Variants in ADAMTSL1 observed in about 807,000 individuals in gnomAD.
ADAMTSL1 encodes ADAMTS like 1, also known as ADAMTS-like protein 1.
Under a neutral mutation model 201.8 loss-of-function variants are expected in ADAMTSL1, and 126 were observed. The ratio of observed to expected loss-of-function variants is 0.62; its 90% CI spans 0.54 to 0.72. ADAMTSL1 has a LOEUF of 0.72. Among genes scored for constraint, ADAMTSL1 ranks in the 30% least tolerant of loss-of-function variants. ADAMTSL1 has a pLI of 0.00. For synonymous variants in ADAMTSL1, 1,121 were observed against 903.4 expected (o/e 1.24, Z -4.32); for missense variants, 2,679 against 2,277.8 (o/e 1.18, Z -3.59).
At chr9:18,560,268 A>G (rs1309352258) in intron 3 of ADAMTSL1, among the ~76,000 whole-genome samples, 3 of 152,156 alleles carry the variant, frequency 2.0e-5, no homozygotes, top group African/African-American at 7.2e-5. Context: ...TGAGACAATA[A>G]TGTGGTTTTG....
chr9:18,360,343 C>G (rs558687724), intron 2 of ADAMTSL1, among the ~76,000 whole-genome samples: 1 of 152,152 alleles, frequency 6.6e-6, no homozygotes, highest in Admixed American at 6.5e-5. Flanking sequence ...GGAGTCCTGT[C>G]ATGGTTTCAG....
chr9:18,726,935 G>C (rs1367473482), intron 15 of ADAMTSL1, among the ~76,000 whole-genome samples: 2 of 152,152 alleles, frequency 1.3e-5, no homozygotes, highest in Non-Finnish European at 2.9e-5. Flanking sequence ...ACCTAGGATG[G>C]TTCTTAGAAC....
At chr9:18,804,319 G>A (rs1472004208) in intron 20 of ADAMTSL1, among the ~76,000 whole-genome samples, 2 of 152,282 alleles carry the variant, frequency 1.3e-5, no homozygotes, top group East Asian at 3.9e-4. Context: ...ATGTCTCAGA[G>A]AACTGGTGAA....
intron 1 of ADAMTSL1, among the ~76,000 whole-genome samples, chr9:17,979,980 G>C (rs1818621988): frequency 6.6e-6 from 1 of 152,090 alleles, no homozygotes; most frequent in Admixed American, 6.6e-5. Context: ...GTGGAAACCA[G>C]CTTGGCATTG....
intron 2 of ADAMTSL1, among the ~76,000 whole-genome samples, chr9:18,235,517 C>T (rs1830812714): frequency 6.6e-6 from 1 of 152,172 alleles, no homozygotes; most frequent in African/African-American, 2.4e-5. Flanking sequence ...CTAGAGCTGC[C>T]CTGCTATACC....
chr9:18,416,041 A>C (rs980763713), intron 2 of ADAMTSL1, among the ~76,000 whole-genome samples: 6 of 152,112 alleles, frequency 3.9e-5, no homozygotes, highest in African/African-American at 1.4e-4. Flanking sequence ...TACTACAAGA[A>C]ATCTTCAAGG....
intron 2 of ADAMTSL1, among the ~76,000 whole-genome samples, chr9:18,180,890 A>G (rs1051070648): frequency 2.0e-5 from 3 of 152,204 alleles, no homozygotes; most frequent in African/African-American, 7.2e-5. Flanking sequence ...AAACTATACT[A>G]CAAGGCTACA....
intron 2 of ADAMTSL1, among the ~76,000 whole-genome samples, chr9:18,370,151 G>A (rs538508617): frequency 1.3e-5 from 2 of 152,072 alleles, no homozygotes; most frequent in Admixed American, 6.5e-5. Context: ...GTGATGGTGC[G>A]TGCCTGTAAT....
chr9:18,214,020 A>G (rs1045170398), intron 2 of ADAMTSL1, among the ~76,000 whole-genome samples: 6 of 152,178 alleles, frequency 3.9e-5, no homozygotes, highest in African/African-American at 1.4e-4. Context: ...TACAGGCATG[A>G]GCCACCGCCC....
intron 7 of ADAMTSL1, among the ~76,000 whole-genome samples, chr9:18,645,705 G>A (rs1284863377): frequency 6.7e-6 from 1 of 148,224 alleles, no homozygotes; most frequent in Non-Finnish European, 1.5e-5. Context: ...TTGTAGATAT[G>A]CAGCATTATT....
intron 3 of ADAMTSL1, among the ~76,000 whole-genome samples, chr9:18,567,287 A>AT: frequency 6.6e-6 from 1 of 152,156 alleles, no homozygotes; most frequent in East Asian, 1.9e-4. Context: ...CAACATGGTA[A>AT]AACCCTGTCT....
intron 20 of ADAMTSL1, among the ~76,000 whole-genome samples, chr9:18,796,196 C>A (rs1390707658): frequency 6.6e-6 from 1 of 152,134 alleles, no homozygotes; most frequent in Non-Finnish European, 1.5e-5. Flanking sequence ...CAAACCCATG[C>A]CTTTGAAACG....
At chr9:18,588,904 C>CATATACATATATATATATAT (rs1823725890) in intron 4 of ADAMTSL1, among the ~76,000 whole-genome samples, 1 of 124,614 alleles carries the variant, frequency 8.0e-6, no homozygotes, top group African/African-American at 3.0e-5. Context: ...TATATATATA[C>CATATACATATATATATATAT]ATATATATAC....
chr9:18,752,454 T>C (rs1346154966), intron 15 of ADAMTSL1, among the ~76,000 whole-genome samples: 1 of 152,176 alleles, frequency 6.6e-6, no homozygotes, highest in Non-Finnish European at 1.5e-5. Context: ...AACAGAACTT[T>C]CTAAAACTGA....
At chr9:18,555,142 T>C (rs1305245994) in intron 3 of ADAMTSL1, among the ~76,000 whole-genome samples, 2 of 151,766 alleles carry the variant, frequency 1.3e-5, no homozygotes, top group South Asian at 2.1e-4. Flanking sequence ...TCTCTGAGGG[T>C]TTTGCCTTAC....
chr9:18,081,096 A>T (rs754734732), intron 1 of ADAMTSL1, among the ~76,000 whole-genome samples: 1 of 152,190 alleles, frequency 6.6e-6, no homozygotes. Flanking sequence ...AAAAAAGAAA[A>T]CAACATTGCT....
intron 1 of ADAMTSL1, among the ~76,000 whole-genome samples, chr9:18,136,808 C>G (rs1461238609): frequency 6.6e-6 from 1 of 152,024 alleles, no homozygotes; most frequent in East Asian, 1.9e-4. Context: ...TGCTGGTAAC[C>G]AGCAACCATT....
chr9:18,034,102 A>T (rs1425233045), intron 1 of ADAMTSL1, among the ~76,000 whole-genome samples: 1 of 151,870 alleles, frequency 6.6e-6, no homozygotes, highest in Non-Finnish European at 1.5e-5. Context: ...TATATCTCTC[A>T]TTTTCTACAA....
At chr9:18,584,894 A>G (rs1221062072) in intron 4 of ADAMTSL1, among the ~76,000 whole-genome samples, 5 of 152,182 alleles carry the variant, frequency 3.3e-5, no homozygotes, top group African/African-American at 1.2e-4. Context: ...AGTCTCCAGA[A>G]TTGTGAGGAA....
Sources: allele counts gnomAD v4.1 joint callset (sites outside exome capture counted in the v4.1 genomes callset), GRCh38; gene constraint gnomAD v4.1.1; transcripts MANE v1.5; gene names NCBI Gene and HGNC (gene_info 2026-07-23, HGNC 2026-07-21).